Variants in RNF217 observed in about 807,000 individuals in gnomAD.
The protein encoded by RNF217 is ring finger protein 217.
RNF217 carries 31 observed loss-of-function variants against 57.8 expected under a neutral mutation model. The observed-to-expected ratio is 0.54, with a 90% CI of 0.40 to 0.72. The LOEUF (loss-of-function observed/expected upper bound fraction) is 0.72. Ranked by LOEUF, RNF217 falls within the 30% of genes least tolerant of loss-of-function variation. The probability of loss-of-function intolerance (pLI) is 0.00; values close to 1 mark genes in which losing one functional copy is unlikely to be tolerated. For missense variants in RNF217, 696 were observed against 708.3 expected (o/e 0.98, Z 0.20); for synonymous variants, 313 against 294.0 (o/e 1.06, Z -0.66).
intron 2 of RNF217, among the ~76,000 whole-genome samples, chr6:125,055,261 T>A (rs780709894): frequency 1.3e-5 from 2 of 152,162 alleles, no homozygotes; most frequent in Non-Finnish European, 2.9e-5. Flanking sequence ...CTTATTTGTA[T>A]TCACTTGAGA....
At chr6:125,021,994 G>A (rs962743685) in intron 1 of RNF217, among the ~76,000 whole-genome samples, 3 of 152,028 alleles carry the variant, frequency 2.0e-5, no homozygotes, top group Admixed American at 1.3e-4. Flanking sequence ...CCATTCTCCT[G>A]CCTCAGCCTC....
chr6:124,997,870 T>C (rs536617541), intron 1 of RNF217, among the ~76,000 whole-genome samples: 1 of 152,352 alleles, frequency 6.6e-6, no homozygotes, highest in East Asian at 1.9e-4. Context: ...TTTTTCATCC[T>C]GTAGTATCCC....
At chr6:125,080,082 ATAAT>A (rs1788520063) in intron 4 of RNF217, among the ~76,000 whole-genome samples, 1 of 152,116 alleles carries the variant, frequency 6.6e-6, no homozygotes, top group South Asian at 2.1e-4. Context: ...AAATATACTG[ATAAT>A]TATTTAAAAA....
intron 3 of RNF217, among the ~76,000 whole-genome samples, chr6:125,072,985 C>A (rs1402027565): frequency 6.6e-6 from 1 of 152,180 alleles, no homozygotes; most frequent in East Asian, 1.9e-4. Flanking sequence ...AATCTGTGTA[C>A]AATGCTTGGC....
intron 2 of RNF217, among the ~76,000 whole-genome samples, chr6:125,049,989 T>C (rs1447895199): frequency 1.3e-5 from 2 of 151,906 alleles, no homozygotes; most frequent in Non-Finnish European, 2.9e-5. Flanking sequence ...TCATCAATAT[T>C]GGGGGCAGTG....
chr6:124,975,344 G>A (rs780458495), intron 1 of RNF217, among the ~76,000 whole-genome samples: 10 of 152,126 alleles, frequency 6.6e-5, no homozygotes, highest in Admixed American at 3.3e-4. Context: ...ATTTATGTTC[G>A]TCTAAGTAGA....
chr6:124,981,171 TA>T (rs1192561956), intron 1 of RNF217, among the ~76,000 whole-genome samples: 1 of 152,200 alleles, frequency 6.6e-6, no homozygotes, highest in Non-Finnish European at 1.5e-5. Flanking sequence ...TTAAAGTAAT[TA>T]AAAAATTTGA....
In RNF217 at chr6:125,083,035, A is replaced by G; in HGVS notation, c.*98A>G. 2.7e-6 allele frequency: 2 copies of G among 738,336 alleles called. No homozygotes were observed. The highest frequency in any genetic ancestry group is 2.2e-5 in the South Asian group (1 of 46,054). The allele number at this position is 738,336 out of a possible 1,614,324, so 45.7% of individuals were successfully genotyped here. On this transcript the variant is annotated 3_prime_UTR_variant, in exon 6 of 6. Transcript: ENST00000521654. Reference sequence around the variant, plus strand: ...CACATCTTGAAAAACACTGAGAGGAACCTTCTACCATCTCATCTCCCAGTG... The same window carrying G: ...CACATCTTGAAAAACACTGAGAGGAGCCTTCTACCATCTCATCTCCCAGTG...
At chr6:124,998,797 C>G (rs12211389) in intron 1 of RNF217, among the ~76,000 whole-genome samples, 35,314 of 151,982 alleles carry the variant, frequency 0.23, 4,486 homozygotes, top group East Asian at 0.44. Flanking sequence ...GACTCTGTCT[C>G]AAAAAACAAA....
At chr6:125,065,374 C>G (rs1042165246) in intron 3 of RNF217, among the ~76,000 whole-genome samples, 4 of 150,762 alleles carry the variant, frequency 2.7e-5, no homozygotes, top group Non-Finnish European at 5.9e-5. Context: ...TAAGATATTT[C>G]AAACAGAGTT....
chr6:125,038,309 A>T (rs1372003431), intron 1 of RNF217, among the ~76,000 whole-genome samples: 4 of 152,176 alleles, frequency 2.6e-5, no homozygotes, highest in Non-Finnish European at 5.9e-5. Flanking sequence ...CAGAAGTTAG[A>T]TGACATGTTA....
chr6:125,010,030 A>G (rs1266825387), intron 1 of RNF217, among the ~76,000 whole-genome samples: 3 of 148,156 alleles, frequency 2.0e-5, no homozygotes, highest in African/African-American at 7.5e-5. Context: ...ACAGGTCTTC[A>G]GACAGCAGAT....
chr6:125,051,152 A>G (rs1449154846), intron 2 of RNF217, among the ~76,000 whole-genome samples: 1 of 151,890 alleles, frequency 6.6e-6, no homozygotes, highest in African/African-American at 2.4e-5. Flanking sequence ...TCTAACAGCC[A>G]AATGTTGGAA....
chr6:125,061,914 T>G (rs1288498769), intron 3 of RNF217, among the ~76,000 whole-genome samples: 1 of 152,004 alleles, frequency 6.6e-6, no homozygotes, highest in African/African-American at 2.4e-5. Context: ...TAGTGCTTAT[T>G]ATGCATTGGG....
At position 125,060,840 on chromosome 6, in the gene RNF217, G is replaced by A. The variant is rs538325211; in HGVS notation, c.1281+2734G>A. On this transcript the variant is annotated intron_variant, in intron 3 of 5. Transcript: ENST00000521654. ...GAAAATATTCACCCAGAATTCTGCC[G>A]CCCCAGTGTACTTACTCCTAACATC... 4.6e-5 allele frequency among the ~76,000 whole-genome samples: 7 copies of A among 152,174 alleles called. No homozygotes were observed. The East Asian group carries it at 1.2e-3, about 25-fold the overall frequency.
chr6:125,025,620 T>G (rs1786047497), intron 1 of RNF217, among the ~76,000 whole-genome samples: 1 of 143,580 alleles, frequency 7.0e-6, no homozygotes, highest in African/African-American at 2.7e-5. Flanking sequence ...TACTCCCTTA[T>G]GAGTGGGGAA....
chr6:125,040,268 G>A (rs957520792), intron 1 of RNF217, among the ~76,000 whole-genome samples: 30 of 151,898 alleles, frequency 2.0e-4, no homozygotes, highest in African/African-American at 5.8e-4. Context: ...ATATCACCAC[G>A]GATCCCACAG....
intron 1 of RNF217, among the ~76,000 whole-genome samples, chr6:125,033,965 A>G (rs1448642588): frequency 6.6e-6 from 1 of 151,442 alleles, no homozygotes; most frequent in African/African-American, 2.4e-5. Flanking sequence ...GCATTTTTTC[A>G]TGTGTCTTTT....
rs1785086000 is a variant in RNF217, at chr6:125,004,136, A to G, written c.882+40710A>G. ...AGGCAGCTTTGAAATAAAATCTAAA[A>G]GGAAATATTAGACAAATGTTAAATT... On this transcript the variant is annotated intron_variant, in intron 1 of 5. Coordinates refer to ENST00000521654, the MANE Select transcript of RNF217 (RefSeq NM_001286398.3). Among the ~76,000 whole-genome samples the G allele has an allele frequency of 3.3e-5, 5 of 152,326 alleles. No homozygotes were observed. The South Asian group carries it at 8.3e-4, about 25-fold the overall frequency.
Sources: gnomAD v4.1 joint callset for allele counts (sites outside exome capture counted in the v4.1 genomes callset) on GRCh38, gnomAD v4.1.1 for gene constraint, MANE v1.5 for transcripts, NCBI Gene and HGNC (gene_info 2026-07-23, HGNC 2026-07-21) for gene names.